The following PRR5 variants were observed in gnomAD, a reference collection of about 807,000 sequenced individuals.
The protein encoded by PRR5 is proline rich 5.
In PRR5, 25 loss-of-function variants were observed where a neutral mutation model predicts 30.6. The ratio of observed to expected loss-of-function variants is 0.82; its 90% CI spans 0.60 to 1.14. The LOEUF (loss-of-function observed/expected upper bound fraction) is 1.14. Among genes scored for constraint, PRR5 ranks in the 50% most tolerant of loss-of-function variants. The pLI is 0.00. For synonymous variants in PRR5, 286 were observed against 247.1 expected (o/e 1.16, Z -1.48); for missense variants, 600 against 547.1 (o/e 1.10, Z -0.96).
chr22:44,702,190 C>G, upstream of PRR5: 1 of 1,024,208 alleles, frequency 9.8e-7, no homozygotes, highest in Non-Finnish European at 1.2e-6. Flanking sequence ...GGGCCCGCCC[C>G]CGGGTCCGCC....
At chr22:44,719,143 G>A (rs1416826552) in intron 2 of PRR5, among the ~76,000 whole-genome samples, 2 of 150,362 alleles carry the variant, frequency 1.3e-5, no homozygotes, top group East Asian at 3.9e-4. Context: ...GCAGTGGCAT[G>A]AACATAGCTC....
intron 1 of PRR5, among the ~76,000 whole-genome samples, chr22:44,692,549 A>C (rs1355097253): frequency 9.4e-6 from 1 of 106,648 alleles, no homozygotes; most frequent in African/African-American, 3.8e-5. Context: ...GGGCTCCTCC[A>C]CCTGGCACTC....
At chr22:44,680,378 C>T (rs898635322) in intron 1 of PRR5, among the ~76,000 whole-genome samples, 2 of 151,798 alleles carry the variant, frequency 1.3e-5, no homozygotes, top group African/African-American at 2.4e-5. Context: ...CTAAAGTGCA[C>T]GTTTAGTGGA....
intron 1 of PRR5, among the ~76,000 whole-genome samples, chr22:44,671,578 G>A (rs906710781): frequency 6.6e-6 from 1 of 152,150 alleles, no homozygotes; most frequent in African/African-American, 2.4e-5. Flanking sequence ...AAGCCAGGGA[G>A]AGGGGAAAGG....
chr22:44,711,249 G>A (rs56744316), intron 1 of PRR5, among the ~76,000 whole-genome samples: 29,133 of 152,002 alleles, frequency 0.19, 3,595 homozygotes, highest in African/African-American at 0.34. Context: ...AAGCCAAGTA[G>A]ACACTTCCTC....
intron 1 of PRR5, among the ~76,000 whole-genome samples, chr22:44,704,612 C>A (rs754930857): frequency 1.3e-5 from 2 of 152,068 alleles, no homozygotes; most frequent in African/African-American, 4.8e-5. Context: ...AGCAGGGGCA[C>A]GGCCATTTCC....
chr22:44,671,419 G>C (rs1357044571), intron 1 of PRR5, among the ~76,000 whole-genome samples: 1 of 151,844 alleles, frequency 6.6e-6, no homozygotes, highest in Non-Finnish European at 1.5e-5. Context: ...GTGGTGGCAC[G>C]GGGGCTTGGA....
chr22:44,694,833 G>A (rs1403243149), intron 1 of PRR5, among the ~76,000 whole-genome samples: 1 of 152,168 alleles, frequency 6.6e-6, no homozygotes, highest in Non-Finnish European at 1.5e-5. Flanking sequence ...TCCAAGGACA[G>A]AGACTAAAGC....
chr22:44,731,522 T>C, intron 4 of PRR5: 1 of 595,190 alleles, frequency 1.7e-6, no homozygotes, highest in Non-Finnish European at 3.0e-6. Context: ...TACTGCCACA[T>C]TTTATAAATG....
At chr22:44,696,771 C>A (rs1925790490) in intron 1 of PRR5, among the ~76,000 whole-genome samples, 3 of 135,986 alleles carry the variant, frequency 2.2e-5, no homozygotes, top group African/African-American at 9.3e-5. Context: ...CAGTCCTGCT[C>A]TGTCGCCCAG....
chr22:44,674,231 C>T (rs555037859), upstream of PRR5, among the ~76,000 whole-genome samples: 6 of 152,050 alleles, frequency 3.9e-5, no homozygotes, highest in East Asian at 5.8e-4. Flanking sequence ...CACCACATTC[C>T]GGGTAGCTGG....
Position 44,727,779 on chromosome 22 carries a change from G to T in PRR5, c.322+1145G>T, listed in dbSNP as rs576159281. ...GCATGTTCCAGGGGACCTTGGAGCTGCGTGTCATGGTCCTTCCTCACGTCC... is the reference window on the plus strand; with the variant it reads ...GCATGTTCCAGGGGACCTTGGAGCTTCGTGTCATGGTCCTTCCTCACGTCC... On this transcript the variant is annotated intron_variant, in intron 4 of 7. Transcript: ENST00000336985. Among the ~76,000 whole-genome samples the T allele has an allele frequency of 3.3e-5, 5 of 152,310 alleles. No individual in the cohort carries two copies. In the East Asian group the frequency reaches 9.7e-4, roughly 29 times the overall value.
At chr22:44,681,371 T>C (rs887488792) in intron 1 of PRR5, among the ~76,000 whole-genome samples, 4 of 152,104 alleles carry the variant, frequency 2.6e-5, no homozygotes, top group Non-Finnish European at 5.9e-5. Context: ...GGGCAGATCA[T>C]GAGGTCAGCA....
upstream of PRR5, chr22:44,702,187 C>CCCCCGGGTCCG: frequency 1.0e-6 from 1 of 1,002,414 alleles, no homozygotes; most frequent in East Asian, 6.5e-5. Flanking sequence ...CCTGGGCCCG[C>CCCCCGGGTCCG]CCCCGGGTCC....
intron 1 of PRR5, among the ~76,000 whole-genome samples, chr22:44,669,494 C>A (rs545462216): frequency 1.4e-4 from 21 of 152,346 alleles, no homozygotes; most frequent in African/African-American, 4.8e-4. Flanking sequence ...TGGGGAGACA[C>A]CCTCACCATC....
intron 7 of PRR5, among the ~76,000 whole-genome samples, chr22:44,735,607 C>T (rs1923081185): frequency 6.6e-6 from 1 of 152,202 alleles, no homozygotes; most frequent in Non-Finnish European, 1.5e-5. Flanking sequence ...CAGCTGGCCA[C>T]GTTGCTCCCT....
At chr22:44,680,672 T>G (rs183947989) in intron 1 of PRR5, among the ~76,000 whole-genome samples, 2 of 152,152 alleles carry the variant, frequency 1.3e-5, no homozygotes, top group African/African-American at 4.8e-5. Flanking sequence ...GGGACGTCTC[T>G]CTGAGCTGCA....
intron 1 of PRR5, among the ~76,000 whole-genome samples, chr22:44,671,870 C>A (rs1244195551): frequency 6.6e-6 from 1 of 152,202 alleles, no homozygotes; most frequent in Non-Finnish European, 1.5e-5. Flanking sequence ...AGTTAAGCAA[C>A]TTCATGTCAG....
chr22:44,731,824 G>C lies in PRR5; in HGVS notation c.414+3G>C, dbSNP rs771074834. ...AGGCCATCTTCTACCCGGTGCAGGT[G>C]GGCAGCCCAGCCCTGGGGAGGGAAG... On this transcript the variant is annotated splice_donor_region_variant and intron_variant, in intron 5 of 7. Coordinates refer to ENST00000336985, the MANE Select transcript of PRR5 (RefSeq NM_181333.4). 3.1e-6 allele frequency: 5 copies of C among 1,612,096 alleles called. No individual in the cohort carries two copies. In the Admixed American group the frequency reaches 5.0e-5, roughly 16 times the overall value.
Sources: allele counts gnomAD v4.1 joint callset (sites outside exome capture counted in the v4.1 genomes callset), GRCh38; gene constraint gnomAD v4.1.1; transcripts MANE v1.5; gene names NCBI Gene and HGNC (gene_info 2026-07-23, HGNC 2026-07-21).